CIMIP4: variants seen among roughly 807,000 people sequenced by gnomAD.
CIMIP4 encodes ciliary microtubule inner protein 4.
the CIMIP4 span, chr22:36,991,611 A>T: frequency 6.2e-7 from 1 of 1,609,266 alleles, no homozygotes; most frequent in Non-Finnish European, 8.5e-7. Flanking sequence ...ACCATGAAGA[A>T]ACCCCAAGTG....
At chr22:36,999,541 G>C in the CIMIP4 span, among the ~76,000 whole-genome samples, 2 of 36,964 alleles carry the variant, frequency 5.4e-5, no homozygotes, top group African/African-American at 3.3e-4. Flanking sequence ...GGGAGGGGAG[G>C]GGAGGGGAGA....
At chr22:37,004,594 CTCAG>C in the CIMIP4 span, among the ~76,000 whole-genome samples, 1 of 152,204 alleles carries the variant, frequency 6.6e-6, no homozygotes, top group African/African-American at 2.4e-5. Context: ...CTGGTGTAAA[CTCAG>C]TCTTCTCTCT....
chr22:36,995,532 G>A, the CIMIP4 span, among the ~76,000 whole-genome samples: 1 of 152,198 alleles, frequency 6.6e-6, no homozygotes, highest in Non-Finnish European at 1.5e-5. Flanking sequence ...AGCCCTGTCT[G>A]TGGGAAGCCT....
At chr22:36,992,869 T>C in the CIMIP4 span, among the ~76,000 whole-genome samples, 1 of 151,296 alleles carries the variant, frequency 6.6e-6, no homozygotes, top group Admixed American at 6.6e-5. Context: ...CCCAGCACTT[T>C]GGGAGGCCGA....
chr22:37,006,121 G>A, the CIMIP4 span, among the ~76,000 whole-genome samples: 1 of 152,226 alleles, frequency 6.6e-6, no homozygotes, highest in Non-Finnish European at 1.5e-5. Context: ...AAAAAGGGGT[G>A]TGACTTTTGT....
At chr22:36,999,819 A>C in the CIMIP4 span, 31 of 1,605,694 alleles carry the variant, frequency 1.9e-5, no homozygotes, top group Non-Finnish European at 2.6e-5. Context: ...TCACGGCCCC[A>C]CCCTTGCCCT....
At chr22:37,001,963 G>A in the CIMIP4 span, 22 of 1,613,872 alleles carry the variant, frequency 1.4e-5, no homozygotes, top group Middle Eastern at 1.6e-4. Flanking sequence ...AGCTGGGACC[G>A]TCATCCGTCC....
chr22:37,002,195 T>G, the CIMIP4 span: 1 of 1,484,080 alleles, frequency 6.7e-7, no homozygotes, highest in Non-Finnish European at 9.0e-7. Context: ...TGACAGACCC[T>G]GGTTCTTGAA....
chr22:37,000,145 A>G, the CIMIP4 span, among the ~76,000 whole-genome samples: 3 of 152,046 alleles, frequency 2.0e-5, no homozygotes, highest in African/African-American at 7.3e-5. Flanking sequence ...GCTGGGGTAT[A>G]CAAAGGCCCC....
chr22:36,999,576 A>AGGGGGGAGGGGAGGGGGGC, the CIMIP4 span, among the ~76,000 whole-genome samples: 1 of 2,934 alleles, frequency 3.4e-4, no homozygotes, highest in African/African-American at 2.6e-3. Flanking sequence ...GGGGGAGGGG[A>AGGGGGGAGGGGAGGGGGGC]GGGGAGGGGG....
the CIMIP4 span, chr22:37,003,964 A>G: frequency 7.7e-6 from 12 of 1,550,000 alleles, no homozygotes; most frequent in South Asian, 9.6e-5. Flanking sequence ...TGCCTGTCCT[A>G]CCTGCTCCGT....
At chr22:37,002,333 A>T in the CIMIP4 span, 1 of 950,112 alleles carries the variant, frequency 1.1e-6, no homozygotes, top group Non-Finnish European at 1.3e-6. Flanking sequence ...ACAGAGGGGG[A>T]GGGAGAGAGA....
the CIMIP4 span, among the ~76,000 whole-genome samples, chr22:37,002,992 T>C: frequency 1.3e-5 from 2 of 152,232 alleles, no homozygotes; most frequent in Non-Finnish European, 2.9e-5. Flanking sequence ...CAGCCTTCAG[T>C]GTCTCCTCAC....
the CIMIP4 span, among the ~76,000 whole-genome samples, chr22:37,001,246 T>C: frequency 6.6e-6 from 1 of 150,776 alleles, no homozygotes; most frequent in African/African-American, 2.4e-5. Flanking sequence ...GCTGGGAGGG[T>C]TGTGATACGC....
At chr22:36,994,786 G>A in the CIMIP4 span, among the ~76,000 whole-genome samples, 14 of 151,698 alleles carry the variant, frequency 9.2e-5, no homozygotes, top group Non-Finnish European at 1.5e-4. Context: ...GCCCGCCACC[G>A]CGCCCGGCTA....
chr22:37,002,533 G>A, the CIMIP4 span, among the ~76,000 whole-genome samples: 11 of 151,974 alleles, frequency 7.2e-5, no homozygotes, highest in South Asian at 2.1e-4. Context: ...GCCAGCCTGC[G>A]TGCCTCCCAC....
the CIMIP4 span, among the ~76,000 whole-genome samples, chr22:37,000,420 G>A: frequency 6.6e-6 from 1 of 152,122 alleles, no homozygotes; most frequent in African/African-American, 2.4e-5. Context: ...GCTCTGGGTG[G>A]GTGCTTAACT....
chr22:37,001,594 G>T, the CIMIP4 span, among the ~76,000 whole-genome samples: 1 of 152,094 alleles, frequency 6.6e-6, no homozygotes, highest in Admixed American at 6.5e-5. Context: ...ACTCCTCTAA[G>T]CCTCGGTCTC....
chr22:37,007,433 C>T, the CIMIP4 span: 1 of 152,212 alleles, frequency 6.6e-6, no homozygotes, highest in Non-Finnish European at 1.5e-5. Context: ...TTCAAGTTAG[C>T]TCCAAGTTTT....
Sources: gnomAD v4.1 joint callset for allele counts (sites outside exome capture counted in the v4.1 genomes callset) on GRCh38, gnomAD v4.1.1 for gene constraint, MANE v1.5 for transcripts, NCBI Gene and HGNC (gene_info 2026-07-23, HGNC 2026-07-21) for gene names.